MALRD1: variants seen among roughly 807,000 people sequenced by gnomAD.
MALRD1 encodes MAM and LDL receptor class A domain containing 1, also known as MAM and LDL-receptor class A domain-containing protein 1.
In MALRD1, 247 loss-of-function variants were observed where a neutral mutation model predicts 242.1. The ratio of observed to expected loss-of-function variants is 1.02; its 90% CI spans 0.92 to 1.13. The LOEUF is 1.13. Among genes scored for constraint, MALRD1 ranks in the 50% most tolerant of loss-of-function variants. The pLI is 0.00. For synonymous variants in MALRD1, 995 were observed against 866.6 expected (o/e 1.15, Z -2.60); for missense variants, 2,989 against 2,533.1 (o/e 1.18, Z -3.86).
At chr10:19,495,741 T>G (rs1426016942) in intron 30 of MALRD1, among the ~76,000 whole-genome samples, 1 of 152,118 alleles carries the variant, frequency 6.6e-6, no homozygotes, top group Non-Finnish European at 1.5e-5. Context: ...ACCTTGAATG[T>G]AAATAGGCAA....
chr10:19,435,164 A>G (rs1177386365), intron 28 of MALRD1, among the ~76,000 whole-genome samples: 1 of 150,038 alleles, frequency 6.7e-6, no homozygotes, highest in Non-Finnish European at 1.5e-5. Context: ...TCCTATTTAT[A>G]TATAGAGAGA....
At chr10:19,715,082 T>C (rs566222664) in intron 38 of MALRD1, among the ~76,000 whole-genome samples, 18 of 152,206 alleles carry the variant, frequency 1.2e-4, no homozygotes, top group Non-Finnish European at 2.2e-4. Flanking sequence ...TTGAAATTGC[T>C]ACGAAATTTA....
At chr10:19,410,251 G>C (rs1272251970) in intron 28 of MALRD1, among the ~76,000 whole-genome samples, 1 of 152,118 alleles carries the variant, frequency 6.6e-6, no homozygotes, top group Non-Finnish European at 1.5e-5. Context: ...CCAATGTCAA[G>C]TTGTAGATTT....
intron 36 of MALRD1, among the ~76,000 whole-genome samples, chr10:19,658,910 T>G (rs1032209894): frequency 7.9e-5 from 12 of 152,184 alleles, no homozygotes; most frequent in Non-Finnish European, 1.5e-4. Flanking sequence ...CAATCTTGAT[T>G]TTTTTTAAGA....
intron 38 of MALRD1, among the ~76,000 whole-genome samples, chr10:19,712,134 A>G (rs76126612): frequency 6.6e-6 from 1 of 152,302 alleles, no homozygotes; most frequent in Non-Finnish European, 1.5e-5. Context: ...AAGAAACTAT[A>G]AACATCAGCT....
chr10:19,102,638 C>T (rs1564392705), intron 4 of MALRD1, among the ~76,000 whole-genome samples: 1 of 150,510 alleles, frequency 6.6e-6, no homozygotes, highest in African/African-American at 2.5e-5. Context: ...CACATGTGTT[C>T]ATCACATCCA....
chr10:19,503,829 G>A (rs1177456839), intron 31 of MALRD1, among the ~76,000 whole-genome samples: 1 of 152,182 alleles, frequency 6.6e-6, no homozygotes, highest in African/African-American at 2.4e-5. Flanking sequence ...TGACAGTGAA[G>A]TATTTTGGAT....
chr10:19,397,068 A>G (rs1003304371), intron 28 of MALRD1, among the ~76,000 whole-genome samples: 5 of 152,190 alleles, frequency 3.3e-5, no homozygotes, highest in African/African-American at 7.2e-5. Flanking sequence ...TAGCTCATCT[A>G]TAACCTCAAA....
At chr10:19,378,112 C>G (rs930604833) in intron 26 of MALRD1, among the ~76,000 whole-genome samples, 4 of 152,074 alleles carry the variant, frequency 2.6e-5, no homozygotes, top group Non-Finnish European at 5.9e-5. Context: ...TTTTTTTACT[C>G]TAAACTTGAC....
intron 38 of MALRD1, among the ~76,000 whole-genome samples, chr10:19,729,686 C>G (rs919404434): frequency 2.1e-5 from 3 of 142,120 alleles, no homozygotes; most frequent in African/African-American, 7.9e-5. Flanking sequence ...ACCAAGTAGT[C>G]CAGGGCTGCG....
chr10:19,321,024 C>T (rs575346080), intron 21 of MALRD1, among the ~76,000 whole-genome samples: 1 of 152,008 alleles, frequency 6.6e-6, no homozygotes, highest in African/African-American at 2.4e-5. Context: ...TGTAGGTTGC[C>T]TGTTCACTCT....
chr10:19,288,635 A>G (rs1359877677), intron 21 of MALRD1, among the ~76,000 whole-genome samples: 1 of 152,086 alleles, frequency 6.6e-6, no homozygotes, highest in Non-Finnish European at 1.5e-5. Flanking sequence ...TTCCGTAACT[A>G]GTATCTTTCC....
At chr10:19,453,129 A>G (rs1481484858) in intron 29 of MALRD1, among the ~76,000 whole-genome samples, 1 of 152,182 alleles carries the variant, frequency 6.6e-6, no homozygotes. Context: ...ATTGCCCTGT[A>G]TTAGGAAACC....
chr10:19,377,701 C>A (rs1284259381), intron 26 of MALRD1, among the ~76,000 whole-genome samples: 3 of 151,380 alleles, frequency 2.0e-5, no homozygotes, highest in Admixed American at 1.3e-4. Context: ...AAATTTGTTA[C>A]AATGAACATA....
At chr10:19,711,787 G>T (rs1354619332) in intron 38 of MALRD1, among the ~76,000 whole-genome samples, 3 of 152,212 alleles carry the variant, frequency 2.0e-5, no homozygotes, top group African/African-American at 7.2e-5. Context: ...AACAAGTATT[G>T]CCAGGGAAGA....
chr10:19,518,828 G>A (rs1353721492), intron 31 of MALRD1, among the ~76,000 whole-genome samples: 1 of 152,150 alleles, frequency 6.6e-6, no homozygotes, highest in East Asian at 1.9e-4. Flanking sequence ...AGTGGCAATT[G>A]CCATTCATGA....
chr10:19,180,471 A>G (rs975200471), intron 14 of MALRD1, among the ~76,000 whole-genome samples: 11 of 152,248 alleles, frequency 7.2e-5, no homozygotes, highest in Admixed American at 2.6e-4. Flanking sequence ...CAGTAGGGAA[A>G]AAATAGTCTC....
At chr10:19,076,989 T>C (rs1357950194) in intron 2 of MALRD1, among the ~76,000 whole-genome samples, 2 of 151,942 alleles carry the variant, frequency 1.3e-5, no homozygotes, top group Non-Finnish European at 2.9e-5. Flanking sequence ...TTTTTAAATT[T>C]TTATTGTACA....
intron 18 of MALRD1, among the ~76,000 whole-genome samples, chr10:19,240,853 G>T (rs139902320): frequency 2.0e-5 from 3 of 151,936 alleles, no homozygotes; most frequent in African/African-American, 7.3e-5. Context: ...CTATTGTGGT[G>T]GTGTATCATA....
Sources: gnomAD v4.1 joint callset for allele counts (sites outside exome capture counted in the v4.1 genomes callset) on GRCh38, gnomAD v4.1.1 for gene constraint, MANE v1.5 for transcripts, NCBI Gene and HGNC (gene_info 2026-07-23, HGNC 2026-07-21) for gene names.